The following ADAMTS17 variants were observed in gnomAD, a reference collection of about 807,000 sequenced individuals.
ADAMTS17 encodes A disintegrin and metalloproteinase with thrombospondin motifs 17.
In ADAMTS17, 113 loss-of-function variants were observed where a neutral mutation model predicts 141.5. The ratio of observed to expected loss-of-function variants is 0.80; its 90% CI spans 0.69 to 0.93. The LOEUF is 0.93. Among genes scored for constraint, ADAMTS17 ranks in the 40% least tolerant of loss-of-function variants. The pLI is 0.00. For synonymous variants in ADAMTS17, 768 were observed against 630.6 expected, an observed-to-expected ratio of 1.22 and a Z score of -3.27; for missense variants, 1,659 against 1,517.9, an observed-to-expected ratio of 1.09 and a Z score of -1.54.
intron 3 of ADAMTS17, among the ~76,000 whole-genome samples, chr15:100,301,023 T>C (rs1032242075): frequency 6.6e-6 from 1 of 152,202 alleles, no homozygotes; most frequent in African/African-American, 2.4e-5. Context: ...ACTCCAAACC[T>C]AGTGCCTAGC....
chr15:100,087,385 T>C (rs60770697), intron 15 of ADAMTS17, among the ~76,000 whole-genome samples: 17,560 of 152,168 alleles, frequency 0.12, 1,657 homozygotes, highest in African/African-American at 0.26. Flanking sequence ...CCAGATGGAT[T>C]CACAGCCGAA....
At chr15:100,287,054 G>A (rs141407996) in intron 3 of ADAMTS17, among the ~76,000 whole-genome samples, 8,651 of 152,218 alleles carry the variant, frequency 0.057, 300 homozygotes, top group Middle Eastern at 0.085. Context: ...TGGGTGTGGT[G>A]GCACACACCT....
At chr15:100,122,670 GTTT>G (rs2037510024) in intron 12 of ADAMTS17, among the ~76,000 whole-genome samples, 7 of 152,318 alleles carry the variant, frequency 4.6e-5, no homozygotes, top group African/African-American at 1.7e-4. Flanking sequence ...GGTTATATGT[GTTT>G]TATACTATAT....
intron 7 of ADAMTS17, among the ~76,000 whole-genome samples, chr15:100,219,035 C>T (rs754536785): frequency 2.6e-5 from 4 of 152,176 alleles, no homozygotes; most frequent in African/African-American, 7.2e-5. Context: ...TGTTCTGATA[C>T]AGGTTAAAGC....
intron 7 of ADAMTS17, among the ~76,000 whole-genome samples, chr15:100,215,204 A>G (rs1042996278): frequency 6.6e-6 from 1 of 152,338 alleles, no homozygotes; most frequent in East Asian, 1.9e-4. Flanking sequence ...CGAGGCCAGC[A>G]ATTAAACCAG....
intron 8 of ADAMTS17, among the ~76,000 whole-genome samples, chr15:100,179,062 G>A (rs1009319744): frequency 5.3e-5 from 8 of 152,136 alleles, no homozygotes; most frequent in South Asian, 2.1e-4. Context: ...CAGGGCAAAC[G>A]GGGTATCATC....
chr15:100,308,504 A>G (rs2045299340), intron 3 of ADAMTS17, among the ~76,000 whole-genome samples: 1 of 152,198 alleles, frequency 6.6e-6, no homozygotes, highest in South Asian at 2.1e-4. Flanking sequence ...TACAACTTGA[A>G]CAGCTTCCTT....
At chr15:100,034,956 G>A (rs2030554725) in intron 18 of ADAMTS17, among the ~76,000 whole-genome samples, 1 of 152,088 alleles carries the variant, frequency 6.6e-6, no homozygotes, top group Admixed American at 6.5e-5. Context: ...AAACATGCAG[G>A]CACACAGAGC....
At chr15:100,239,842 G>A (rs181050817) in intron 7 of ADAMTS17, among the ~76,000 whole-genome samples, 2 of 152,308 alleles carry the variant, frequency 1.3e-5, no homozygotes, top group Non-Finnish European at 2.9e-5. Context: ...AACCCCTGGA[G>A]TGGAGGGATG....
At chr15:100,156,924 A>T (rs1316887439) in intron 8 of ADAMTS17, among the ~76,000 whole-genome samples, 1 of 152,238 alleles carries the variant, frequency 6.6e-6, no homozygotes, top group Non-Finnish European at 1.5e-5. Flanking sequence ...ACACTGCTAT[A>T]AAGTGTTTCA....
intron 10 of ADAMTS17, among the ~76,000 whole-genome samples, chr15:100,145,897 G>A (rs571455193): frequency 6.6e-6 from 1 of 152,334 alleles, no homozygotes; most frequent in African/African-American, 2.4e-5. Context: ...TCCAGGCCGG[G>A]TACAGTGGCT....
intron 17 of ADAMTS17, 93 bp downstream of exon 17, chr15:100,051,479 G>A (rs955921850): frequency 6.4e-7 from 1 of 1,566,156 alleles, no homozygotes; most frequent in East Asian, 2.2e-5. Context: ...ACAGGTTGCA[G>A]ATGTCTCACA....
rs35095090 is a variant in ADAMTS17, at chr15:100,109,323, A to T, written c.1889-207T>A. 0.46 allele frequency among the ~76,000 whole-genome samples: 70,500 copies of T among 151,746 alleles called. 16,475 individuals carry two copies. The highest frequency in any genetic ancestry group is 0.51 in the Admixed American group (7,822 of 15,272). ...CAGTGCAGGACTGAGCTCTGTGGGG[A>T]TGCCTTCTCTCATCTCTCTATCCTT... On this transcript the variant is annotated intron_variant, in intron 13 of 21. Coordinates refer to ENST00000268070, the MANE Select transcript of ADAMTS17 (RefSeq NM_139057.4).
intron 19 of ADAMTS17, among the ~76,000 whole-genome samples, chr15:99,994,294 G>A (rs1284947110): frequency 1.3e-5 from 2 of 152,162 alleles, no homozygotes. Context: ...CGACAGCACT[G>A]ACTTTCTTGA....
intron 3 of ADAMTS17, among the ~76,000 whole-genome samples, chr15:100,294,952 G>A (rs2044758898): frequency 6.6e-6 from 1 of 152,180 alleles, no homozygotes; most frequent in African/African-American, 2.4e-5. Context: ...GAGACCAATG[G>A]CCGCAACAAC....
chr15:99,981,091 A>AC (rs1878781836), intron 20 of ADAMTS17, among the ~76,000 whole-genome samples: 1 of 152,074 alleles, frequency 6.6e-6, no homozygotes, highest in South Asian at 2.1e-4. Context: ...TGGTCCAGGG[A>AC]CCCCATCTCA....
At chr15:100,229,826 G>A (rs1269572767) in intron 7 of ADAMTS17, among the ~76,000 whole-genome samples, 1 of 152,212 alleles carries the variant, frequency 6.6e-6, no homozygotes, top group African/African-American at 2.4e-5. Context: ...TCTTGCAGTG[G>A]TGAAGTATGG....
intron 3 of ADAMTS17, among the ~76,000 whole-genome samples, chr15:100,327,557 G>A (rs78421021): frequency 0.03 from 4,619 of 152,280 alleles, 103 homozygotes; most frequent in African/African-American, 0.05. Context: ...TGGGGGAGGA[G>A]AGGAAGATTC....
At chr15:99,989,543 G>A (rs1052113204) in intron 20 of ADAMTS17, among the ~76,000 whole-genome samples, 6 of 152,198 alleles carry the variant, frequency 3.9e-5, no homozygotes, top group African/African-American at 7.2e-5. Context: ...TGGACTCTCC[G>A]TAACCATGCA....
Sources: gnomAD v4.1 joint callset for allele counts (sites outside exome capture counted in the v4.1 genomes callset) on GRCh38, gnomAD v4.1.1 for gene constraint, MANE v1.5 for transcripts, NCBI Gene and HGNC (gene_info 2026-07-23, HGNC 2026-07-21) for gene names.